KDM1B: variants seen among roughly 807,000 people sequenced by gnomAD.
KDM1B encodes lysine-specific histone demethylase 2.
In KDM1B, 63 loss-of-function variants were observed where a neutral mutation model predicts 107.4. That is an observed-to-expected ratio of 0.59 (90% confidence interval 0.48 to 0.72). KDM1B has a LOEUF of 0.72. Among genes scored for constraint, KDM1B ranks in the 30% least tolerant of loss-of-function variants. The pLI, the probability that KDM1B is intolerant of heterozygous loss-of-function variation, is 0.00. For synonymous variants in KDM1B, 363 were observed against 363.9 expected, an observed-to-expected ratio of 1.00 and a Z score of 0.03; for missense variants, 749 against 1,020.8, an observed-to-expected ratio of 0.73 and a Z score of 3.63.
chr6:18,174,037 G>A (rs1047023486), intron 7 of KDM1B, among the ~76,000 whole-genome samples: 2 of 152,242 alleles, frequency 1.3e-5, no homozygotes, highest in Admixed American at 6.5e-5. Flanking sequence ...ACCTGCCTTG[G>A]CCTCCCAAAG....
At chr6:18,173,283 C>T (rs575232033) in intron 7 of KDM1B, among the ~76,000 whole-genome samples, 1 of 152,090 alleles carries the variant, frequency 6.6e-6, no homozygotes, top group South Asian at 2.1e-4. Flanking sequence ...TTTGCATTTC[C>T]CTACTAACTG....
At chr6:18,195,499 C>T (rs1265048758) in intron 10 of KDM1B, among the ~76,000 whole-genome samples, 3 of 151,718 alleles carry the variant, frequency 2.0e-5, no homozygotes, top group African/African-American at 7.3e-5. Context: ...TTTGGGAGGT[C>T]GAGGCGGGTG....
intron 9 of KDM1B, among the ~76,000 whole-genome samples, chr6:18,188,284 C>T (rs1393706964): frequency 3.9e-5 from 6 of 152,120 alleles, no homozygotes; most frequent in Admixed American, 3.3e-4. Flanking sequence ...TAAAGCCCCT[C>T]ATTATTTCAT....
chr6:18,173,757 C>G (rs1785813638), intron 7 of KDM1B, among the ~76,000 whole-genome samples: 1 of 152,014 alleles, frequency 6.6e-6, no homozygotes, highest in Admixed American at 6.6e-5. Context: ...GTATTTTTCA[C>G]TTTGTATTAT....
Position 18,222,046 on chromosome 6 carries a change from C to G in KDM1B, c.*54C>G, listed in dbSNP as rs77332446. On this transcript the variant is annotated 3_prime_UTR_variant, in exon 22 of 22. Coordinates refer to ENST00000650836, the MANE Select transcript of KDM1B (RefSeq NM_001364614.2). ...ACCCCAGATGGGGAAATTTGAATCA[C>G]ATGTTAAACCTCAGTTTTATAAGAG... The G allele has an allele frequency of 5.4e-6, 8 of 1,474,162 alleles. No individual in the cohort carries two copies. Among genetic ancestry groups the G allele is most frequent in the Non-Finnish European group, 6.7e-6 (7 of 1,052,454 alleles). The allele number at this position is 1,474,162 out of a possible 1,614,324, so 91.3% of individuals were successfully genotyped here. A position where few individuals can be genotyped will look rare whatever the true frequency, so the allele number is the denominator to read the frequency against.
chr6:18,207,871 G>A (rs1253729682), intron 16 of KDM1B, among the ~76,000 whole-genome samples: 2 of 152,136 alleles, frequency 1.3e-5, no homozygotes, highest in Admixed American at 6.5e-5. Flanking sequence ...AATCATGGGG[G>A]TGATTACTTA....
At chr6:18,218,769 G>C (rs1789439288) in intron 21 of KDM1B, among the ~76,000 whole-genome samples, 1 of 152,104 alleles carries the variant, frequency 6.6e-6, no homozygotes, top group South Asian at 2.1e-4. Flanking sequence ...GCTAGCTCCA[G>C]TCCTTGAAAT....
chr6:18,208,705 C>T (rs214593), intron 17 of KDM1B, among the ~76,000 whole-genome samples: 45,160 of 126,788 alleles, frequency 0.36, 8,045 homozygotes, highest in South Asian at 0.49. Flanking sequence ...AGTGCAGTGG[C>T]GCAAACTCGG....
intron 7 of KDM1B, among the ~76,000 whole-genome samples, chr6:18,176,890 T>G (rs114730594): frequency 0.017 from 2,608 of 152,228 alleles, 38 homozygotes; most frequent in Non-Finnish European, 0.024. Context: ...TTAGCTAGTA[T>G]TTTGTTAGCG....
In KDM1B at chr6:18,166,426, T is replaced by C. The variant is rs749483364; in HGVS notation, c.417+48T>C. 4.7e-6 allele frequency: 5 copies of C among 1,056,534 alleles called. No homozygotes were observed. In the African/African-American group the frequency reaches 7.8e-5, roughly 16 times the overall value. The allele number at this position is 1,056,534 out of a possible 1,614,324, so 65.4% of individuals were successfully genotyped here. A position where few individuals can be genotyped will look rare whatever the true frequency, so the allele number is the denominator to read the frequency against. ...TCTGTGAAGTATTTGTGGAGCCAAA[T>C]GCAAGAGGCATGGATGAAAATGCTG... On this transcript the variant is annotated intron_variant, in intron 6 of 21. Coordinates refer to ENST00000650836, the MANE Select transcript of KDM1B (RefSeq NM_001364614.2).
In KDM1B at chr6:18,187,342, G is replaced by T. The variant is rs111864036; in HGVS notation, c.574-450G>T. Among the ~76,000 whole-genome samples, 1,172 of 152,248 alleles carry T rather than the reference G, an allele frequency of 7.7e-3. 11 individuals are homozygous for T. Among genetic ancestry groups the T allele is most frequent in the African/African-American group, 0.027 (1,112 of 41,540 alleles). ...CAAAAAGCGGTAATACTTACTACTTGGGAGCATTATTTTTTATGCCCAGTT... is the reference window on the plus strand; with the variant it reads ...CAAAAAGCGGTAATACTTACTACTTTGGAGCATTATTTTTTATGCCCAGTT... On this transcript the variant is annotated intron_variant, in intron 8 of 21. Coordinates refer to ENST00000650836, the MANE Select transcript of KDM1B (RefSeq NM_001364614.2).
chr6:18,195,606 G>C (rs949056564), intron 10 of KDM1B, among the ~76,000 whole-genome samples: 1 of 151,540 alleles, frequency 6.6e-6, no homozygotes, highest in Non-Finnish European at 1.5e-5. Context: ...TTGGTGGTAG[G>C]CGCCTGTAGT....
chr6:18,173,296 G>C (rs1477220448), intron 7 of KDM1B, among the ~76,000 whole-genome samples: 1 of 152,022 alleles, frequency 6.6e-6, no homozygotes, highest in Non-Finnish European at 1.5e-5. Flanking sequence ...ACTAACTGGT[G>C]ATCTTGAGTA....
intron 6 of KDM1B, among the ~76,000 whole-genome samples, chr6:18,166,907 G>A (rs1785336121): frequency 6.6e-6 from 1 of 151,634 alleles, no homozygotes; most frequent in Admixed American, 6.6e-5. Flanking sequence ...ACCACCAGCT[G>A]GTGATAGTCA....
In KDM1B at chr6:18,213,402, C is replaced by T. The variant is rs1307765896; in HGVS notation, c.1984-254C>T. On this transcript the variant is annotated intron_variant, in intron 18 of 21. Transcript: ENST00000650836. This position sits in a 1 kb window ranked among gnomAD's most constrained non-coding sequence, Gnocchi z 5.9. ...AGTGAGCCAAGATCGCTCCATTGCA[C>T]TCCCAGCTGGGCAACAAGAGCGAAA... Among the ~76,000 whole-genome samples, 2 of 151,016 alleles carry T rather than the reference C, an allele frequency of 1.3e-5. No homozygotes were observed. The highest frequency in any genetic ancestry group is 4.9e-5 in the African/African-American group (2 of 41,016).
At chr6:18,183,313 G>A (rs562237852) in intron 7 of KDM1B, among the ~76,000 whole-genome samples, 1 of 128,250 alleles carries the variant, frequency 7.8e-6, no homozygotes, top group Non-Finnish European at 1.6e-5. Context: ...TATTACCCAG[G>A]CTGGAGTGCA....
Position 18,162,264 on chromosome 6 carries a change from T to A in KDM1B, c.216-571T>A, listed in dbSNP as rs996680812. The stretch of plus-strand genomic sequence containing the variant: ...TGAACCCAGGAGGCAGAGGTTGCAA[T>A]GAGCCTGAGATCGTGCCACTGTACT... On this transcript the variant is annotated intron_variant, in intron 4 of 21. Coordinates refer to ENST00000650836, the MANE Select transcript of KDM1B (RefSeq NM_001364614.2). The surrounding 1 kb of genome is among the most constrained non-coding windows in gnomAD (Gnocchi z 4.1). Among the ~76,000 whole-genome samples the A allele has an allele frequency of 3.9e-5, 6 of 152,210 alleles. No homozygotes were observed. The highest frequency in any genetic ancestry group is 8.8e-5 in the Non-Finnish European group (6 of 68,040).
chr6:18,187,534 G>C (rs1008009452), intron 8 of KDM1B, among the ~76,000 whole-genome samples: 1 of 152,132 alleles, frequency 6.6e-6, no homozygotes, highest in African/African-American at 2.4e-5. Flanking sequence ...CTTATTTTGG[G>C]GGAGGGATAA....
rs747781650 is a variant in KDM1B, at chr6:18,208,105, T to G, written c.1792-27T>G. On this transcript the variant is annotated intron_variant, in intron 16 of 21. Coordinates refer to ENST00000650836, the MANE Select transcript of KDM1B (RefSeq NM_001364614.2). ...TGGATCACGTGGTTCCATCCCTCAC[T>G]TTTTTTCATAATTGCTTTTTGAGCA... 3 of 1,581,706 alleles carry G rather than the reference T, an allele frequency of 1.9e-6. No individual in the cohort carries two copies. In the East Asian group the frequency reaches 6.7e-5, roughly 35 times the overall value.
Sources: allele counts gnomAD v4.1 joint callset (sites outside exome capture counted in the v4.1 genomes callset), GRCh38; gene constraint gnomAD v4.1.1; non-coding constraint Gnocchi (gnomAD v3.1); transcripts MANE v1.5; gene names NCBI Gene and HGNC (gene_info 2026-07-23, HGNC 2026-07-21).